MX2: variants seen among roughly 807,000 people sequenced by gnomAD.
MX2 encodes interferon-induced GTP-binding protein Mx2.
Under a neutral mutation model 74.0 loss-of-function variants are expected in MX2, and 51 were observed. The observed-to-expected ratio is 0.69, with a 90% confidence interval of 0.55 to 0.87. The LOEUF (loss-of-function observed/expected upper bound fraction) is 0.87, where lower values mean the gene tolerates loss of function less well. Among genes scored for constraint, MX2 ranks in the 40% least tolerant of loss-of-function variants. The probability of loss-of-function intolerance (pLI) is 0.00; values close to 1 mark genes in which losing one functional copy is unlikely to be tolerated. For missense variants in MX2, 832 were observed against 908.7 expected, an observed-to-expected ratio of 0.92 and a Z score of 1.09; for synonymous variants, 369 against 339.3, an observed-to-expected ratio of 1.09 and a Z score of -0.96.
intron 10 of MX2, 90 bp from the exon 11 acceptor site, chr21:41,401,880 T>G (rs979816295): frequency 2.8e-5 from 40 of 1,418,142 alleles, no homozygotes; most frequent in Non-Finnish European, 3.7e-5. Context: ...CTGCGTACAG[T>G]GGGGAGCAAG....
intron 10 of MX2, among the ~76,000 whole-genome samples, chr21:41,400,121 T>C (rs1178157306): frequency 2.0e-5 from 3 of 152,180 alleles, no homozygotes; most frequent in South Asian, 2.1e-4. Context: ...TAGTAGCAGC[T>C]AAACATCAGC....
intron 1 of MX2, chr21:41,367,097 C>T (rs1404083737): frequency 6.6e-6 from 1 of 152,162 alleles, no homozygotes; most frequent in Non-Finnish European, 1.5e-5. Flanking sequence ...CTCTCAGCCT[C>T]CCACGGCCAA....
intron 12 of MX2, 80 bp from the exon 13 acceptor site, chr21:41,406,664 A>G (rs1489922619): frequency 3.5e-6 from 5 of 1,416,390 alleles, no homozygotes; most frequent in Non-Finnish European, 4.8e-6. Flanking sequence ...TGAGTTCAAC[A>G]TAATAGTACT....
In MX2 at chr21:41,403,293, G is replaced by T. The variant is rs149631739; in HGVS notation, c.1600G>T (p.Val534Leu). ...MEIIQQAFIN[V>L]AKKHFGEFFN... ...AATTATCCAGCAAGCTTTCATTAAC[G>T]TGGCCAAAAAACATTTTGGCGAATT... Residue 534 changes from valine to leucine, a missense_variant, in exon 12 of 14, where the codon GTG becomes TTG. Transcript: ENST00000330714. 1 of 1,612,374 alleles carries T rather than the reference G, an allele frequency of 6.2e-7. No homozygotes were observed. The highest frequency in any genetic ancestry group is 8.5e-7 in the Non-Finnish European group (1 of 1,179,424).
chr21:41,403,679 C>T, intron 12 of MX2: 1 of 537,498 alleles, frequency 1.9e-6, no homozygotes, highest in Non-Finnish European at 3.7e-6. Flanking sequence ...GCATTGTTTA[C>T]TAGTCCTACT....
chr21:41,392,733 A>AG (rs1337779297), intron 6 of MX2, among the ~76,000 whole-genome samples: 3 of 152,198 alleles, frequency 2.0e-5, no homozygotes, highest in African/African-American at 7.2e-5. Flanking sequence ...AAGACAGAGC[A>AG]GGGGGGAGCA....
Position 41,380,491 on chromosome 21 carries a change from C to T in MX2, c.577+340C>T, listed in dbSNP as rs1208276119. Among the ~76,000 whole-genome samples, 1 of 152,190 alleles carries T rather than the reference C, an allele frequency of 6.6e-6. No homozygotes were observed. Among genetic ancestry groups the T allele is most frequent in the African/African-American group, 2.4e-5 (1 of 41,454 alleles). On this transcript the variant is annotated intron_variant, in intron 4 of 13. Transcript: ENST00000330714. The surrounding 1 kb of genome is among the most constrained non-coding windows in gnomAD (Gnocchi z 4.3). ...CGCCCTCTCTTCCTTCCAGGTTTCTCCCCTTCACCTGCCCAATCCCTACTC... is the reference window on the plus strand; with the variant it reads ...CGCCCTCTCTTCCTTCCAGGTTTCTTCCCTTCACCTGCCCAATCCCTACTC...
rs2089286208 is a variant in MX2 at position 41,368,361 on chromosome 21, TG to T, written c.-72+6308del. On this transcript the variant is annotated intron_variant, in intron 1 of 13. Coordinates refer to ENST00000330714, the MANE Select transcript of MX2 (RefSeq NM_002463.2). This position sits in a 1 kb window ranked among gnomAD's most constrained non-coding sequence, Gnocchi z 4.6. ...CTGAAGATTGTGCAGGGGAGACAGA[TG>T]GTTCACCAGGCACACACCAGACAAC... 6.6e-6 allele frequency among the ~76,000 whole-genome samples: 1 copy of T among 152,108 alleles called. No individual in the cohort carries two copies. Among genetic ancestry groups the T allele is most frequent in the Non-Finnish European group, 1.5e-5 (1 of 68,024 alleles).
rs1175234806 is a variant in MX2 at position 41,368,577 on chromosome 21, C to T, written c.-72+6522C>T. On this transcript the variant is annotated intron_variant, in intron 1 of 13. Coordinates refer to ENST00000330714, the MANE Select transcript of MX2 (RefSeq NM_002463.2). The surrounding 1 kb of genome is among the most constrained non-coding windows in gnomAD (Gnocchi z 4.6). ...ATTTTGCAGAGCAATCTGTGCCCAG[C>T]TCCTGTCCTCTCAAACTTAATCAGC... is the stretch of plus-strand genomic sequence containing the variant. 6.6e-6 allele frequency among the ~76,000 whole-genome samples: 1 copy of T among 152,228 alleles called. No individual in the cohort carries two copies. The highest frequency in any genetic ancestry group is 1.5e-5 in the Non-Finnish European group (1 of 68,052).
At chr21:41,375,760 C>A (rs1047663863) in intron 1 of MX2, among the ~76,000 whole-genome samples, 8 of 152,188 alleles carry the variant, frequency 5.3e-5, no homozygotes, top group African/African-American at 9.7e-5. Context: ...AAGTCATGTT[C>A]CCAGGTTCCA....
rs747716429 is a variant in MX2, at chr21:41,377,856, C to G, written c.317C>G (p.Ser106Cys). The change falls in exon 3 of 14, where the codon TCC (serine) becomes TGC (cysteine). Residue 106 changes from serine (S) to cysteine (C), a missense_variant. Ser to Cys is a moderately radical substitution (Grantham distance 112). Transcript: ENST00000330714. ...CGCCCCTGCATTGACCTCATCGACT[C>G]CCTGCGGGCTCTGGGTGTGGAGCAG... Reference protein sequence around the residue: ...KVRPCIDLIDSLRALGVEQDL... With the variant: ...KVRPCIDLIDCLRALGVEQDL... 1.9e-6 allele frequency: 3 copies of G among 1,614,126 alleles called. No individual in the cohort carries two copies. In the African/African-American group the frequency reaches 4.0e-5, roughly 22 times the overall value.
intron 12 of MX2, among the ~76,000 whole-genome samples, chr21:41,405,622 G>A (rs1197645417): frequency 6.6e-6 from 1 of 151,964 alleles, no homozygotes; most frequent in Non-Finnish European, 1.5e-5. Flanking sequence ...ATGTAAATTG[G>A]GGGGCAGGGG....
chr21:41,379,992 G>A (rs752127325), intron 3 of MX2, 25 bp from the exon 4 acceptor site: 4 of 1,612,550 alleles, frequency 2.5e-6, no homozygotes, highest in Non-Finnish European at 3.4e-6. Context: ...GGAAACTGAG[G>A]ATATTTGGGG....
intron 6 of MX2, among the ~76,000 whole-genome samples, chr21:41,392,266 G>A (rs60804820): frequency 0.091 from 13,838 of 152,254 alleles, 1,411 homozygotes; most frequent in African/African-American, 0.24. Flanking sequence ...GAGCAGCCCA[G>A]GTGTTTACAG....
rs537450776 is a variant in MX2 at position 41,408,742 on chromosome 21, G to A, written c.*509G>A. The A allele has an allele frequency of 2.6e-4, 40 of 153,222 alleles. 1 individual carries two copies. Among genetic ancestry groups the A allele is most frequent in the Admixed American group, 2.2e-3 (34 of 15,376 alleles). The allele number at this position is 153,222 out of a possible 1,614,324, so 9.5% of individuals were successfully genotyped here. ...CTTGGACATTTAGTGACTGTTAGCCGGTCCCTTTCAGATCCAGTGGCCATG... is the reference window on the plus strand; with the variant it reads ...CTTGGACATTTAGTGACTGTTAGCCAGTCCCTTTCAGATCCAGTGGCCATG... On this transcript the variant is annotated 3_prime_UTR_variant, in exon 14 of 14. Transcript: ENST00000330714.
rs185271636 is a variant in MX2, at chr21:41,373,521, G to A, written c.-71-3315G>A. 4.2e-3 allele frequency among the ~76,000 whole-genome samples: 646 copies of A among 152,262 alleles called. 5 individuals carry two copies. Among genetic ancestry groups the A allele is most frequent in the Middle Eastern group, 0.02 (6 of 294 alleles). On this transcript the variant is annotated intron_variant, in intron 1 of 13. Transcript: ENST00000330714. ...CTCCAGCCCGAGGCCCTTTGGAGTT[G>A]TGTGGCTCCCCCTCCAGCTGCTCTG...
intron 12 of MX2, among the ~76,000 whole-genome samples, chr21:41,406,100 T>G (rs1338138004): frequency 6.6e-6 from 1 of 152,228 alleles, no homozygotes; most frequent in African/African-American, 2.4e-5. Context: ...GCCATTCTCC[T>G]GCCTCAGCCT....
At position 41,408,010 on chromosome 21, in the gene MX2, C is replaced by T; in HGVS notation, c.1925C>T (p.Ala642Val). The change falls in exon 14 of 14, where the codon GCC becomes GTC. Residue 642 changes from alanine to valine, a missense_variant. Transcript: ENST00000330714. ...AYFLETSKRL[A>V]NQIPFIIQYF... Reference sequence around the variant, plus strand: ...TTCCAGGAAACCAGCAAACGTCTCGCCAACCAGATCCCATTTATAATTCAG... The same window carrying T: ...TTCCAGGAAACCAGCAAACGTCTCGTCAACCAGATCCCATTTATAATTCAG... 6.2e-7 allele frequency: 1 copy of T among 1,614,164 alleles called. No individual in the cohort carries two copies. Among genetic ancestry groups the T allele is most frequent in the South Asian group, 1.1e-5 (1 of 91,088 alleles).
At chr21:41,401,123 A>G (rs1371810772) in intron 10 of MX2, 7 of 152,170 alleles carry the variant, frequency 4.6e-5, no homozygotes, top group Admixed American at 4.6e-4. Context: ...CTCTTGACAC[A>G]TGGGGATTAC....
Sources: allele counts gnomAD v4.1 joint callset (sites outside exome capture counted in the v4.1 genomes callset), GRCh38; gene constraint gnomAD v4.1.1; non-coding constraint Gnocchi (gnomAD v3.1); transcripts MANE v1.5; gene names NCBI Gene and HGNC (gene_info 2026-07-23, HGNC 2026-07-21).